The following GJA3 variants were observed in gnomAD, a reference collection of about 807,000 sequenced individuals.
GJA3 encodes gap junction protein alpha 3.
For synonymous variants in GJA3, 297 were observed against 292.6 expected, an observed-to-expected ratio of 1.02 and a Z score of -0.15; for missense variants, 571 against 620.3, an observed-to-expected ratio of 0.92 and a Z score of 0.84.
intron 1 of GJA3, among the ~76,000 whole-genome samples, chr13:20,152,706 C>A (rs1958885937): frequency 6.6e-6 from 1 of 152,146 alleles, no homozygotes; most frequent in Non-Finnish European, 1.5e-5. Flanking sequence ...AACACTGTTA[C>A]TTGGTTTACA....
intron 1 of GJA3, among the ~76,000 whole-genome samples, chr13:20,154,885 C>G (rs1958898968): frequency 6.6e-6 from 1 of 152,154 alleles, no homozygotes; most frequent in Admixed American, 6.5e-5. Context: ...AGGCCTTGCT[C>G]TGTCACTCAG....
In GJA3 at chr13:20,142,826, AGAT is replaced by A. The variant is rs1423899420; in HGVS notation, c.460_462del (p.Ile154del). 2 of 1,613,426 alleles carry A rather than the reference AGAT, an allele frequency of 1.2e-6. No individual in the cohort carries two copies. The highest frequency in any genetic ancestry group is 1.7e-6 in the Non-Finnish European group (2 of 1,179,826). On this transcript the variant is annotated inframe_deletion, in exon 2 of 2. Transcript: ENST00000241125. The stretch of plus-strand genomic sequence containing the variant: ...AAGCCCACCTCGAACAGCGTCTTGA[AGAT>A]GATGTTGAAGACGTAGGTCCGCAGC...
At chr13:20,161,178 G>C (rs1958935888), upstream of GJA3, 1 of 152,828 alleles carries the variant, frequency 6.5e-6, no homozygotes, top group Non-Finnish European at 1.5e-5. Flanking sequence ...TACCCTGTAC[G>C]CGCAGCCACA....
chr13:20,142,979 CT>C lies in GJA3; in HGVS notation c.309del (p.Glu104ArgfsTer12). On this transcript the variant is annotated frameshift_variant, in exon 2 of 2. Coordinates refer to ENST00000241125, the MANE Select transcript of GJA3 (RefSeq NM_021954.4). LOFTEE classifies it low-confidence loss of function (END_TRUNC). The part of the protein sequence containing the change: ...LGHVLHIVRM[E>X]EKKKEREEEE... ...TCCTCCTCCCTCTCTTTCTTCTTCT[CT>C]TCCATGCGCACGATGTGCAGCACGT... 6.3e-7 allele frequency: 1 copy of C among 1,592,242 alleles called. No homozygotes were observed. The highest frequency in any genetic ancestry group is 8.6e-7 in the Non-Finnish European group (1 of 1,169,266).
intron 1 of GJA3, among the ~76,000 whole-genome samples, chr13:20,155,360 T>C (rs986739784): frequency 1.3e-5 from 2 of 152,144 alleles, no homozygotes; most frequent in Admixed American, 6.6e-5. Context: ...GGGACTAATG[T>C]CTTTTTTTTT....
At chr13:20,155,011 C>A (rs1051023916) in intron 1 of GJA3, among the ~76,000 whole-genome samples, 1 of 151,812 alleles carries the variant, frequency 6.6e-6, no homozygotes, top group African/African-American at 2.4e-5. Context: ...CCACCACAGC[C>A]GATTAATTTT....
rs1170940767 is a variant in GJA3 at position 20,141,955 on chromosome 13, G to T, written c.*26C>A. 6.5e-7 allele frequency: 1 copy of T among 1,549,756 alleles called. No individual in the cohort carries two copies. The highest frequency in any genetic ancestry group is 2.4e-5 in the East Asian group (1 of 40,890). Reference sequence around the variant, plus strand: ...TTTCTAAGAAAAAGATCACTACACAGCTGTCTGGAGGCAGGCACCCGGGCA... The same window carrying T: ...TTTCTAAGAAAAAGATCACTACACATCTGTCTGGAGGCAGGCACCCGGGCA... On this transcript the variant is annotated 3_prime_UTR_variant, in exon 2 of 2. Transcript: ENST00000241125.
At chr13:20,151,355 C>T (rs1484370749) in intron 1 of GJA3, among the ~76,000 whole-genome samples, 1 of 152,140 alleles carries the variant, frequency 6.6e-6, no homozygotes, top group Non-Finnish European at 1.5e-5. Context: ...TTCCTCTGCA[C>T]GTACAGGAGA....
Position 20,145,971 on chromosome 13 carries a change from G to A in GJA3, c.-17-2666C>T, listed in dbSNP as rs190499797. Among the ~76,000 whole-genome samples the A allele has an allele frequency of 9.8e-5, 15 of 152,322 alleles. No individual in the cohort carries two copies. The East Asian group carries it at 2.5e-3, about 26-fold the overall frequency. On this transcript the variant is annotated intron_variant, in intron 1 of 1. Transcript: ENST00000241125. ...GGGCTCTAGAGTACACCTGCTCCCT[G>A]TGCCTTTCCCCTAGGCCTGGCTCTG...
At position 20,142,657 on chromosome 13, in the gene GJA3, G is replaced by A. The variant is rs768789596; in HGVS notation, c.632C>T (p.Ala211Val). The change falls in exon 2 of 2, where the codon GCC becomes GTC. Residue 211 changes from alanine (A) to valine (V), a missense_variant. Transcript: ENST00000241125. ...CATGTTGAGCAGCAGGGACGCGCAG[G>A]CCACCGCCAGCATGAAGATGATGAA... ...TIFIIFMLAV[A>V]CASLLLNMLE... The A allele has an allele frequency of 1.9e-6, 3 of 1,613,666 alleles. No homozygotes were observed. In the African/African-American group the frequency reaches 4.0e-5, roughly 22 times the overall value.
chr13:20,161,346 AGAGGAGAGCC>A (rs1266244580), upstream of GJA3, among the ~76,000 whole-genome samples: 1 of 151,802 alleles, frequency 6.6e-6, no homozygotes, highest in Non-Finnish European at 1.5e-5. Flanking sequence ...GCGGGACGTG[AGAGGAGAGCC>A]GAGGGCTGTT....
intron 1 of GJA3, 80 bp from the exon 2 acceptor site, chr13:20,143,385 C>CCA: frequency 2.1e-6 from 2 of 934,884 alleles, no homozygotes; most frequent in Non-Finnish European, 3.1e-6. Context: ...CGGCAGCGGC[C>CCA]TGGATGGTAC....
chr13:20,142,049 G>T lies in GJA3; in HGVS notation c.1240C>A (p.Pro414Thr), dbSNP rs1047204525. The change falls in exon 2 of 2, where the codon CCA becomes ACA. Residue 414 changes from proline (P) to threonine (T), a missense_variant. Coordinates refer to ENST00000241125, the MANE Select transcript of GJA3 (RefSeq NM_021954.4). Reference sequence around the variant, plus strand: ...CTGCTGGCCTTGCTGGCCCGACCTGGGTCTCCGAGGGGCAAGGGCGGCTGG... The same window carrying T: ...CTGCTGGCCTTGCTGGCCCGACCTGTGTCTCCGAGGGGCAAGGGCGGCTGG... ...MHQPPLPLGD[P>T]GRASKASRAS... is the part of the protein sequence containing the mutation. The T allele has an allele frequency of 1.9e-6, 3 of 1,550,122 alleles. No individual in the cohort carries two copies. The highest frequency in any genetic ancestry group is 1.4e-5 in the African/African-American group (1 of 73,056).
chr13:20,143,715 C>T (rs1031372222), intron 1 of GJA3, among the ~76,000 whole-genome samples: 2 of 152,220 alleles, frequency 1.3e-5, no homozygotes, highest in Non-Finnish European at 2.9e-5. Flanking sequence ...CATGCCCATG[C>T]CACCTTCAGA....
chr13:20,151,436 A>G (rs1376242333), intron 1 of GJA3, among the ~76,000 whole-genome samples: 1 of 152,184 alleles, frequency 6.6e-6, no homozygotes, highest in African/African-American at 2.4e-5. Context: ...GACGGCGTAG[A>G]ACAAAACACA....
chr13:20,141,951 C>T lies in GJA3; in HGVS notation c.*30G>A. On this transcript the variant is annotated 3_prime_UTR_variant, in exon 2 of 2. Transcript: ENST00000241125. ...TTGGTTTCTAAGAAAAAGATCACTA[C>T]ACAGCTGTCTGGAGGCAGGCACCCG... The T allele has an allele frequency of 6.5e-7, 1 of 1,549,818 alleles. No individual in the cohort carries two copies. Among genetic ancestry groups the T allele is most frequent in the Non-Finnish European group, 8.7e-7 (1 of 1,146,508 alleles).
At chr13:20,144,908 C>T (rs1217692021) in intron 1 of GJA3, among the ~76,000 whole-genome samples, 2 of 152,208 alleles carry the variant, frequency 1.3e-5, no homozygotes, top group Non-Finnish European at 2.9e-5. Flanking sequence ...AGGCTGGGCG[C>T]GGTGGCTCAC....
intron 1 of GJA3, among the ~76,000 whole-genome samples, chr13:20,151,850 TG>T (rs1223196370): frequency 6.6e-6 from 1 of 151,936 alleles, no homozygotes; most frequent in East Asian, 1.9e-4. Flanking sequence ...GGACAGTCTA[TG>T]GGGGCAGGGG....
At chr13:20,150,286 A>C (rs1387132890) in intron 1 of GJA3, among the ~76,000 whole-genome samples, 1 of 151,606 alleles carries the variant, frequency 6.6e-6, no homozygotes, top group Non-Finnish European at 1.5e-5. Context: ...GGTCAGGAGG[A>C]GGGTCTGCAC....
Sources: allele counts gnomAD v4.1 joint callset (sites outside exome capture counted in the v4.1 genomes callset), GRCh38; gene constraint gnomAD v4.1.1; transcripts MANE v1.5; gene names NCBI Gene and HGNC (gene_info 2026-07-23, HGNC 2026-07-21).